The following PLCB2 variants were observed in gnomAD, a reference collection of about 807,000 sequenced individuals.
PLCB2 encodes the protein phospholipase C beta 2.
A neutral mutation model predicts 141.7 loss-of-function variants in PLCB2; 115 were observed. That is an observed-to-expected ratio of 0.81 (90% CI 0.70 to 0.95). The LOEUF (loss-of-function observed/expected upper bound fraction) is 0.95, where lower values mean the gene tolerates loss of function less well. Ranked by LOEUF, PLCB2 falls within the 40% of genes least tolerant of loss-of-function variation. The probability of loss-of-function intolerance (pLI) is 0.00; values close to 1 mark genes in which losing one functional copy is unlikely to be tolerated. For synonymous variants in PLCB2, 603 were observed against 595.6 expected, an observed-to-expected ratio of 1.01 and a Z score of -0.18; for missense variants, 1,403 against 1,541.1, an observed-to-expected ratio of 0.91 and a Z score of 1.50.
chr15:40,287,116 G>A (rs2039623462), downstream of PLCB2, among the ~76,000 whole-genome samples: 1 of 152,132 alleles, frequency 6.6e-6, no homozygotes, highest in South Asian at 2.1e-4. Context: ...TTGAACATAG[G>A]GCACCACCCT....
chr15:40,296,765 G>A lies in PLCB2; in HGVS notation c.1467C>T (p.Ala489=). The A allele has an allele frequency of 2.5e-6, 4 of 1,613,584 alleles. No individual in the cohort carries two copies. Among genetic ancestry groups the A allele is most frequent in the Non-Finnish European group, 3.4e-6 (4 of 1,179,668 alleles). The change falls in exon 14 of 32, where the codon GCC becomes GCT. Residue 489 remains alanine (A), a synonymous_variant. Coordinates refer to ENST00000260402, the MANE Select transcript of PLCB2 (RefSeq NM_004573.3). ...GEAEGSSPPS[A]PAGEGTVWAG... Reference sequence around the variant, plus strand: ...ACTCACCTGTGCCCTCACCTGCAGGGGCACTGGGTGGGCTGCTGCCCTCAG... The same window carrying A: ...ACTCACCTGTGCCCTCACCTGCAGGAGCACTGGGTGGGCTGCTGCCCTCAG...
At position 40,294,987 on chromosome 15, in the gene PLCB2, T is replaced by A. The variant is rs775543218; in HGVS notation, c.1855A>T (p.Met619Leu). The A allele has an allele frequency of 2.5e-6, 4 of 1,614,084 alleles. No homozygotes were observed. The highest frequency in any genetic ancestry group is 3.3e-5 in the Admixed American group (2 of 60,014). The change falls in exon 18 of 32, where the codon ATG becomes TTG. Residue 619 changes from methionine (M) to leucine (L), a missense_variant. Met to Leu is a conservative substitution (Grantham distance 15, BLOSUM62 2). Around this residue, in one of 4 missense-constraint regions of PLCB2, gnomAD observed 975 missense variants for 1,141.1 expected, o/e 0.85. Coordinates refer to ENST00000260402, the MANE Select transcript of PLCB2 (RefSeq NM_004573.3). The stretch of plus-strand genomic sequence containing the variant: ...ATCTGGCATCCAGCATTCCAGAACA[T>A]CTGGGGCATGTAGTTGGAGGAGTCC... ...RMDSSNYMPQ[M>L]FWNAGCQMVA...
chr15:40,292,831 A>C, intron 21 of PLCB2, 95 bp downstream of exon 21: 1 of 723,210 alleles, frequency 1.4e-6, no homozygotes, highest in Admixed American at 2.5e-5. Flanking sequence ...GGGCTTAGGT[A>C]AGGCCTCACT....
At chr15:40,285,479 T>G (rs1264467769), downstream of PLCB2, 5 of 961,402 alleles carry the variant, frequency 5.2e-6, no homozygotes, top group African/African-American at 1.8e-5. Flanking sequence ...TTATTTCATT[T>G]TTTTTATTTT....
At chr15:40,286,927 C>T (rs1035711059), downstream of PLCB2, among the ~76,000 whole-genome samples, 1 of 152,248 alleles carries the variant, frequency 6.6e-6, no homozygotes, top group African/African-American at 2.4e-5. Context: ...TCTGCGTGGC[C>T]TGGCCCAGAG....
intron 2 of PLCB2, 84 bp downstream of exon 2, chr15:40,303,917 C>T: frequency 2.1e-6 from 2 of 944,030 alleles, no homozygotes; most frequent in Admixed American, 2.0e-5. Context: ...AGCATCCATG[C>T]CTCCACCTTG....
Position 40,293,719 on chromosome 15 carries a change from G to A in PLCB2, c.2067C>T (p.Ile689=), listed in dbSNP as rs2040050975. 1 of 1,608,728 alleles carries A rather than the reference G, an allele frequency of 6.2e-7. No homozygotes were observed. Among genetic ancestry groups the A allele is most frequent in the South Asian group, 1.1e-5 (1 of 91,002 alleles). The change falls in exon 20 of 32, where the codon ATC becomes ATT. Residue 689 remains isoleucine (I), a synonymous_variant. Transcript: ENST00000260402. The part of the protein sequence containing the change: ...VVATTLSITV[I]SGQFLSERSV... ...TGCGTTCTGACAGGAACTGCCCAGA[G>A]ATCACCTGGGGGTAGGGGCCCAGGA...
intron 15 of PLCB2, 49 bp from the exon 16 acceptor site, chr15:40,296,441 A>C: frequency 6.2e-7 from 1 of 1,613,346 alleles, no homozygotes; most frequent in Non-Finnish European, 8.5e-7. Context: ...TGCAGAGCCC[A>C]GGAATGGGGC....
At position 40,298,696 on chromosome 15, in the gene PLCB2, G is replaced by C. The variant is rs1249735561; in HGVS notation, c.863C>G (p.Pro288Arg). 1 of 1,614,052 alleles carries C rather than the reference G, an allele frequency of 6.2e-7. No individual in the cohort carries two copies. The highest frequency in any genetic ancestry group is 2.2e-5 in the East Asian group (1 of 44,888). ...ACAGAGAAACCAGACCATGCCTTCA[G>C]GTGACAGCTGGCCTGGGGGACAGGA... is the stretch of plus-strand genomic sequence containing the variant. ...GINAQRGQLS[P>R]EGMVWFLCGP... Residue 288 changes from proline (P) to arginine (R), a missense_variant, in exon 10 of 32, where the codon CCT becomes CGT. Transcript: ENST00000260402.
chr15:40,290,223 G>T, intron 29 of PLCB2, 141 bp from the exon 30 acceptor site: 1 of 680,868 alleles, frequency 1.5e-6, no homozygotes. Flanking sequence ...GGGACCCAAG[G>T]AGTATGTAGG....
chr15:40,302,739 C>A (rs2040585327), intron 3 of PLCB2, 130 bp from the exon 4 acceptor site: 2 of 971,296 alleles, frequency 2.1e-6, no homozygotes, highest in Non-Finnish European at 3.0e-6. Flanking sequence ...ATCCCAGGAA[C>A]CACAGGCCTT....
At position 40,302,531 on chromosome 15, in the gene PLCB2, C is replaced by T. The variant is rs755906439; in HGVS notation, c.310G>A (p.Gly104Ser). Residue 104 changes from glycine to serine, a missense_variant, in exon 4 of 32, where the codon GGC becomes AGC. Transcript: ENST00000260402. ...AAGGTGAGGTCCACCATGTCCGGGC[C>T]GGACACCACCGTGAGTGTCTTCAGC... ...FLLKTLTVVSGPDMVDLTFHN... is the reference protein window; with the variant it reads ...FLLKTLTVVSSPDMVDLTFHN... 7 of 1,614,190 alleles carry T rather than the reference C, an allele frequency of 4.3e-6. No homozygotes were observed. The highest frequency in any genetic ancestry group is 2.2e-5 in the South Asian group (2 of 91,088).
chr15:40,307,232 C>T (rs1434247010), intron 1 of PLCB2, among the ~76,000 whole-genome samples: 5 of 152,086 alleles, frequency 3.3e-5, no homozygotes, highest in African/African-American at 4.8e-5. Flanking sequence ...GTGCTGGGAG[C>T]GGGGACGAGC....
At chr15:40,290,180 A>T (rs1342688383) in intron 29 of PLCB2, 98 bp from the exon 30 acceptor site, 2 of 825,450 alleles carry the variant, frequency 2.4e-6, no homozygotes, top group Middle Eastern at 2.2e-4. Flanking sequence ...GAGAAATCCA[A>T]CATAGGGCAG....
At chr15:40,286,835 A>G (rs1052109886), downstream of PLCB2, among the ~76,000 whole-genome samples, 3 of 152,202 alleles carry the variant, frequency 2.0e-5, no homozygotes, top group African/African-American at 7.2e-5. Flanking sequence ...CCAGTCGGCT[A>G]TGCAGAGGCC....
chr15:40,303,314 A>T lies in PLCB2; in HGVS notation c.205T>A (p.Phe69Ile), dbSNP rs1173818181. The change falls in exon 3 of 32, where the codon TTT (phenylalanine) becomes ATT (isoleucine). Residue 69 changes from phenylalanine to isoleucine, a missense_variant. Transcript: ENST00000260402. ...LDITSIRDTR[F>I]GKFAKMPKSQ... Reference sequence around the variant, plus strand: ...TTGGGCATCTTGGCAAACTTCCCAAAGCGAGTATCCCGGATGCTGGTGATA... The same window carrying T: ...TTGGGCATCTTGGCAAACTTCCCAATGCGAGTATCCCGGATGCTGGTGATA... 6.2e-7 allele frequency: 1 copy of T among 1,613,748 alleles called. No homozygotes were observed. The highest frequency in any genetic ancestry group is 8.5e-7 in the Non-Finnish European group (1 of 1,179,812).
At chr15:40,305,441 C>T (rs1339785590) in intron 1 of PLCB2, among the ~76,000 whole-genome samples, 5 of 152,082 alleles carry the variant, frequency 3.3e-5, no homozygotes, top group African/African-American at 4.8e-5. Context: ...TGGACTACAG[C>T]GAGCTAACTG....
intron 16 of PLCB2, 94 bp downstream of exon 16, chr15:40,296,202 C>T (rs1453525153): frequency 5.2e-6 from 5 of 961,914 alleles, no homozygotes; most frequent in South Asian, 1.5e-5. Flanking sequence ...TGCCTGACTC[C>T]GTGGCTGGAT....
Position 40,296,815 on chromosome 15 carries a change from A to T in PLCB2, c.1417T>A (p.Ser473Thr), listed in dbSNP as rs1258090696. 1 of 1,613,882 alleles carries T rather than the reference A, an allele frequency of 6.2e-7. No homozygotes were observed. Among genetic ancestry groups the T allele is most frequent in the South Asian group, 1.1e-5 (1 of 91,080 alleles). ...GCCTCCCCACCAGTATCCTTACTGG[A>T]GGAGGTGGGGCCAGAAAACTGGTTC... Reference protein sequence around the residue: ...KKNQFSGPTSSSKDTGGEAEG... With the variant: ...KKNQFSGPTSTSKDTGGEAEG... Residue 473 changes from serine to threonine, a missense_variant, in exon 14 of 32, where the codon TCC becomes ACC. Ser to Thr is a moderately conservative substitution (Grantham distance 58, BLOSUM62 1). Coordinates refer to ENST00000260402, the MANE Select transcript of PLCB2 (RefSeq NM_004573.3).
Sources: allele counts gnomAD v4.1 joint callset (sites outside exome capture counted in the v4.1 genomes callset), GRCh38; gene constraint gnomAD v4.1.1; regional missense constraint gnomAD v4.1.1; transcripts MANE v1.5; gene names NCBI Gene and HGNC (gene_info 2026-07-23, HGNC 2026-07-21).